Variants in SERPINA6 observed in about 807,000 individuals in gnomAD.
The protein encoded by SERPINA6 is corticosteroid-binding globulin.
SERPINA6 carries 19 observed loss-of-function variants against 26.4 expected under a neutral mutation model. The observed-to-expected ratio is 0.72, with a 90% CI of 0.50 to 1.06. The LOEUF (loss-of-function observed/expected upper bound fraction) is 1.06, where lower values mean the gene tolerates loss of function less well. SERPINA6 is among the 50% of genes least tolerant of loss of function. The pLI is 0.00. For synonymous variants in SERPINA6, 196 were observed against 199.4 expected (o/e 0.98, Z 0.14); for missense variants, 473 against 504.0 (o/e 0.94, Z 0.59).
intron 2 of SERPINA6, 57 bp downstream of exon 2, chr14:94,313,979 C>T (rs748791412): frequency 1.8e-5 from 29 of 1,594,054 alleles, no homozygotes; most frequent in African/African-American, 5.4e-5. Flanking sequence ...TGGATTTTAG[C>T]GGCTGTTATT....
intron 3 of SERPINA6, among the ~76,000 whole-genome samples, chr14:94,309,418 G>A (rs1417102787): frequency 6.6e-6 from 1 of 152,186 alleles, no homozygotes; most frequent in Non-Finnish European, 1.5e-5. Context: ...GTGTAGCTGG[G>A]TGGTTGGTGA....
chr14:94,322,582 G>A (rs900403114), intron 1 of SERPINA6, among the ~76,000 whole-genome samples: 2 of 152,230 alleles, frequency 1.3e-5, no homozygotes, highest in African/African-American at 4.8e-5. Flanking sequence ...TATTATTCAT[G>A]CATTTCATGT....
chr14:94,304,653 G>C, intron 4 of SERPINA6, 50 bp from the exon 5 acceptor site: 1 of 1,504,384 alleles, frequency 6.6e-7, no homozygotes, highest in African/African-American at 1.4e-5. Flanking sequence ...GTGCGTTCTC[G>C]CTTTCCTGAC....
intron 1 of SERPINA6, among the ~76,000 whole-genome samples, chr14:94,319,201 C>T (rs1895651382): frequency 6.6e-6 from 1 of 152,134 alleles, no homozygotes; most frequent in Admixed American, 6.5e-5. Context: ...GCCTGTAATC[C>T]CAGCTACTCT....
At chr14:94,311,486 CTACTT>C (rs1201408328) in intron 2 of SERPINA6, among the ~76,000 whole-genome samples, 4 of 152,048 alleles carry the variant, frequency 2.6e-5, no homozygotes, top group African/African-American at 9.7e-5. Context: ...GGTTCAGCCT[CTACTT>C]TAAGGGATCT....
intron 1 of SERPINA6, among the ~76,000 whole-genome samples, chr14:94,322,688 C>T (rs1895700201): frequency 1.3e-5 from 2 of 152,232 alleles, no homozygotes; most frequent in African/African-American, 4.8e-5. Context: ...GAGCCAGGCA[C>T]AGTTCTTGAC....
Position 94,304,381 on chromosome 14 carries a change from A to G in SERPINA6, c.*37T>C. The G allele has an allele frequency of 6.2e-7, 1 of 1,604,692 alleles. No homozygotes were observed. The highest frequency in any genetic ancestry group is 8.5e-7 in the Non-Finnish European group (1 of 1,171,480). ...ATTTCTGTGGGATCCCTGGTTCCCA[A>G]AGTCAGACAGTGCTGAGGCTCTGGG... On this transcript the variant is annotated 3_prime_UTR_variant, in exon 5 of 5. Transcript: ENST00000341584.
At chr14:94,307,259 C>T (rs752884562) in intron 3 of SERPINA6, among the ~76,000 whole-genome samples, 4 of 152,084 alleles carry the variant, frequency 2.6e-5, no homozygotes, top group Non-Finnish European at 4.4e-5. Flanking sequence ...CACACACATA[C>T]GCACCTATGA....
At chr14:94,320,953 A>G (rs1016615859) in intron 1 of SERPINA6, among the ~76,000 whole-genome samples, 4 of 152,118 alleles carry the variant, frequency 2.6e-5, no homozygotes, top group Non-Finnish European at 5.9e-5. Context: ...GGTCCTCGCG[A>G]CAATTCTTTT....
chr14:94,322,385 C>T (rs1014322181), intron 1 of SERPINA6, among the ~76,000 whole-genome samples: 2 of 152,128 alleles, frequency 1.3e-5, no homozygotes, highest in African/African-American at 2.4e-5. Context: ...TGGTGTGTGC[C>T]TGTAATTCCA....
In SERPINA6 at chr14:94,314,521, T is replaced by C. The variant is rs1057238657; in HGVS notation, c.128A>G (p.Asn43Ser). The change falls in exon 2 of 5, where the codon AAC becomes AGC. Residue 43 changes from asparagine to serine, a missense_variant. Asn to Ser is a conservative substitution (Grantham distance 46, BLOSUM62 1). Coordinates refer to ENST00000341584, the MANE Select transcript of SERPINA6 (RefSeq NM_001756.4). ...ATACAGGCTGAAGGCAAAGTCAACGTTGGCTGAAGCCAGGCCCCGGTGATG... is the reference window on the plus strand; with the variant it reads ...ATACAGGCTGAAGGCAAAGTCAACGCTGGCTGAAGCCAGGCCCCGGTGATG... The part of the protein sequence containing the change: ...SNHHRGLASA[N>S]VDFAFSLYKH... The C allele has an allele frequency of 9.9e-6, 16 of 1,614,208 alleles. No homozygotes were observed. Among genetic ancestry groups the C allele is most frequent in the Non-Finnish European group, 1.4e-5 (16 of 1,180,046 alleles).
rs1895502117 is a variant in SERPINA6 at position 94,309,888 on chromosome 14, A to C, written c.732T>G (p.His244Gln). 3.7e-6 allele frequency: 6 copies of C among 1,614,078 alleles called. No homozygotes were observed. Among genetic ancestry groups the C allele is most frequent in the Non-Finnish European group, 5.1e-6 (6 of 1,180,046 alleles). ...CCAGCTGGCAGGGGAGCTCCGAGTC[A>C]TGAAGGTAACTGATGGTGCTCGACT... ...MLQSSTISYL[H>Q]DSELPCQLVQ... Residue 244 changes from histidine to glutamine, a missense_variant, in exon 3 of 5, where the codon CAT becomes CAG. Transcript: ENST00000341584.
intron 3 of SERPINA6, among the ~76,000 whole-genome samples, chr14:94,307,451 T>A (rs2144833): frequency 6.6e-6 from 1 of 152,030 alleles, no homozygotes; most frequent in African/African-American, 2.4e-5. Flanking sequence ...GGGCTTTAAG[T>A]TATGTATTAT....
At chr14:94,307,963 G>A (rs1950660) in intron 3 of SERPINA6, among the ~76,000 whole-genome samples, 71,877 of 151,686 alleles carry the variant, frequency 0.47, 18,144 homozygotes, top group East Asian at 0.93. Context: ...AAACCTACAT[G>A]TTAATAAAGT....
intron 3 of SERPINA6, among the ~76,000 whole-genome samples, chr14:94,307,640 G>A (rs991257518): frequency 6.6e-6 from 1 of 152,172 alleles, no homozygotes; most frequent in Non-Finnish European, 1.5e-5. Flanking sequence ...TCTTTGGTGG[G>A]TAGAAAGGAG....
At chr14:94,318,793 A>G (rs1206379526) in intron 1 of SERPINA6, among the ~76,000 whole-genome samples, 1 of 152,224 alleles carries the variant, frequency 6.6e-6, no homozygotes, top group Non-Finnish European at 1.5e-5. Context: ...GGGCAACAAA[A>G]TAAAAAATAA....
intron 1 of SERPINA6, among the ~76,000 whole-genome samples, chr14:94,322,368 G>A (rs1415392145): frequency 6.6e-6 from 1 of 152,120 alleles, no homozygotes; most frequent in Non-Finnish European, 1.5e-5. Context: ...ACATTAGCTG[G>A]GTGTGATGGT....
At chr14:94,314,751 C>T (rs570160813) in intron 1 of SERPINA6, 84 bp from the exon 2 acceptor site, 8 of 1,296,268 alleles carry the variant, frequency 6.2e-6, no homozygotes, top group Admixed American at 1.7e-5. Context: ...GGCAAAAGAC[C>T]CCATTCAAGC....
At chr14:94,315,289 C>CAGGT (rs60468541) in intron 1 of SERPINA6, among the ~76,000 whole-genome samples, 138,946 of 152,066 alleles carry the variant, frequency 0.91, 63,705 homozygotes, top group East Asian at 1. Flanking sequence ...TAACTGGAAA[C>CAGGT]AGGAACAGAG....
Sources: allele counts gnomAD v4.1 joint callset (sites outside exome capture counted in the v4.1 genomes callset), GRCh38; gene constraint gnomAD v4.1.1; transcripts MANE v1.5; gene names NCBI Gene and HGNC (gene_info 2026-07-23, HGNC 2026-07-21).